HSD17B12: variants seen among roughly 807,000 people sequenced by gnomAD.
HSD17B12 encodes very-long-chain 3-oxoacyl-CoA reductase.
HSD17B12 carries 32 observed loss-of-function variants against 39.3 expected under a neutral mutation model. That is an observed-to-expected ratio of 0.81 (90% confidence interval 0.61 to 1.09). HSD17B12 has a LOEUF of 1.09. Among genes scored for constraint, HSD17B12 ranks in the 50% least tolerant of loss-of-function variants. The pLI, the probability that HSD17B12 is intolerant of heterozygous loss-of-function variation, is 0.00. For synonymous variants in HSD17B12, 150 were observed against 146.7 expected (o/e 1.02, Z -0.16); for missense variants, 342 against 382.9 (o/e 0.89, Z 0.89).
At chr11:43,851,875 T>C (rs1951535111) in intron 9 of HSD17B12, among the ~76,000 whole-genome samples, 1 of 152,206 alleles carries the variant, frequency 6.6e-6, no homozygotes, top group African/African-American at 2.4e-5. Flanking sequence ...TTTCCAACAT[T>C]TGAACCATCC....
the HSD17B12 span, among the ~76,000 whole-genome samples, chr11:43,564,992 T>A: frequency 6.6e-6 from 1 of 151,250 alleles, no homozygotes; most frequent in Admixed American, 6.6e-5. Context: ...CTCCGTCTCC[T>A]GGGTTCAAGC....
At chr11:43,719,700 G>A (rs923162104) in intron 1 of HSD17B12, among the ~76,000 whole-genome samples, 4 of 150,956 alleles carry the variant, frequency 2.6e-5, no homozygotes, top group African/African-American at 9.7e-5. Flanking sequence ...ACATTGTTTT[G>A]TAAGACTATT....
intron 3 of HSD17B12, among the ~76,000 whole-genome samples, chr11:43,781,635 C>G (rs1336845302): frequency 6.6e-6 from 1 of 151,932 alleles, no homozygotes; most frequent in East Asian, 1.9e-4. Context: ...ACGTTTATTC[C>G]TACAAAAATA....
intron 7 of HSD17B12, among the ~76,000 whole-genome samples, chr11:43,836,609 C>T (rs1951373404): frequency 6.6e-6 from 1 of 151,886 alleles, no homozygotes; most frequent in South Asian, 2.1e-4. Context: ...GCAACTATCA[C>T]CACAGTCTAA....
chr11:43,724,944 A>G (rs1950207990), intron 1 of HSD17B12, among the ~76,000 whole-genome samples: 1 of 152,126 alleles, frequency 6.6e-6, no homozygotes, highest in Non-Finnish European at 1.5e-5. Context: ...TTTTATAAAA[A>G]CTCAGATTCC....
the HSD17B12 span, among the ~76,000 whole-genome samples, chr11:43,577,640 C>T: frequency 6.8e-4 from 104 of 152,250 alleles, 1 homozygote; most frequent in South Asian, 0.02. Context: ...CTGTAATTCC[C>T]GGGAGGTGTG....
the HSD17B12 span, among the ~76,000 whole-genome samples, chr11:43,564,186 G>T: frequency 6.6e-6 from 1 of 152,112 alleles, no homozygotes; most frequent in Non-Finnish European, 1.5e-5. Context: ...GATTATTTTA[G>T]AGTGTATGGG....
chr11:43,840,107 G>A, intron 9 of HSD17B12, 43 bp downstream of exon 9: 1 of 1,517,060 alleles, frequency 6.6e-7, no homozygotes, highest in Non-Finnish European at 9.1e-7. Flanking sequence ...GTTTTTGTGT[G>A]GTTTCCAGAG....
At chr11:43,654,995 C>A in the HSD17B12 span, among the ~76,000 whole-genome samples, 5 of 152,146 alleles carry the variant, frequency 3.3e-5, no homozygotes, top group Non-Finnish European at 5.9e-5. Flanking sequence ...TTACCTTGGG[C>A]AGTATGGCCA....
intron 3 of HSD17B12, among the ~76,000 whole-genome samples, chr11:43,778,956 A>G (rs1950738196): frequency 6.6e-6 from 1 of 152,212 alleles, no homozygotes; most frequent in African/African-American, 2.4e-5. Context: ...AACACTGAGC[A>G]TTTTAGAATA....
At chr11:43,559,628 A>C in the HSD17B12 span, 1 of 156,012 alleles carries the variant, frequency 6.4e-6, no homozygotes, top group African/African-American at 2.4e-5. Context: ...TCAAGTCCGA[A>C]GATGCCAGCT....
intron 1 of HSD17B12, among the ~76,000 whole-genome samples, chr11:43,742,764 T>TTG (rs1950381044): frequency 6.6e-6 from 1 of 151,982 alleles, no homozygotes; most frequent in African/African-American, 2.4e-5. Flanking sequence ...GTGTGTGTTT[T>TTG]TTTTTTGTGC....
At chr11:43,601,721 G>T in the HSD17B12 span, among the ~76,000 whole-genome samples, 4 of 152,128 alleles carry the variant, frequency 2.6e-5, no homozygotes, top group Non-Finnish European at 4.4e-5. Flanking sequence ...CTCCACTTCT[G>T]CCAGAGTCAG....
At chr11:43,800,766 G>A (rs186631805) in intron 4 of HSD17B12, among the ~76,000 whole-genome samples, 1 of 152,274 alleles carries the variant, frequency 6.6e-6, no homozygotes, top group African/African-American at 2.4e-5. Context: ...AAGTTGCTGA[G>A]TTAACAATTT....
rs1951562435 is a variant in HSD17B12, at chr11:43,854,473, T to G, written c.685-242T>G. 3 of 435,288 alleles carry G rather than the reference T, an allele frequency of 6.9e-6. No individual in the cohort carries two copies. The South Asian group carries it at 1.4e-4, about 20-fold the overall frequency. The allele number at this position is 435,288 out of a possible 1,614,324, so 27.0% of individuals were successfully genotyped here. ...AGGTTCAAAAAGGTAGATTTCTGCT[T>G]ATTTTTAATACTTTCTCTGGTCTCA... On this transcript the variant is annotated intron_variant, in intron 9 of 10. Coordinates refer to ENST00000278353, the MANE Select transcript of HSD17B12 (RefSeq NM_016142.3).
the HSD17B12 span, among the ~76,000 whole-genome samples, chr11:43,597,243 G>A: frequency 1.3e-5 from 2 of 152,192 alleles, no homozygotes; most frequent in Non-Finnish European, 2.9e-5. Context: ...AGATGAGTAG[G>A]ATTTTGATAG....
At chr11:43,768,624 A>C (rs946328643) in intron 3 of HSD17B12, among the ~76,000 whole-genome samples, 3 of 152,212 alleles carry the variant, frequency 2.0e-5, no homozygotes, top group African/African-American at 4.8e-5. Context: ...GGTCTTGCTG[A>C]CTTCAAGATT....
At chr11:43,660,748 T>C in the HSD17B12 span, among the ~76,000 whole-genome samples, 24 of 152,342 alleles carry the variant, frequency 1.6e-4, no homozygotes, top group African/African-American at 5.8e-4. Context: ...CTGCTTTATC[T>C]ATAACAGGCA....
intron 1 of HSD17B12, among the ~76,000 whole-genome samples, chr11:43,701,315 C>T (rs1340580090): frequency 6.6e-6 from 1 of 152,068 alleles, no homozygotes; most frequent in Admixed American, 6.6e-5. Flanking sequence ...GTATCCTTTG[C>T]TGTGCAGAAG....
Sources: allele counts gnomAD v4.1 joint callset (sites outside exome capture counted in the v4.1 genomes callset), GRCh38; gene constraint gnomAD v4.1.1; transcripts MANE v1.5; gene names NCBI Gene and HGNC (gene_info 2026-07-23, HGNC 2026-07-21).